Variants in ARSL observed in about 807,000 individuals in gnomAD.
ARSL encodes the protein arylsulfatase E (chondrodysplasia punctata 1).
A neutral mutation model predicts 31.1 loss-of-function variants in ARSL; 4 were observed. That is an observed-to-expected ratio of 0.13 (90% CI 0.06 to 0.29). ARSL has a LOEUF of 0.29. ARSL is among the 10% of genes least tolerant of loss of function. The probability of loss-of-function intolerance (pLI) is 1.00; values close to 1 mark genes in which losing one functional copy is unlikely to be tolerated. For synonymous variants in ARSL, 198 were observed against 209.9 expected, an observed-to-expected ratio of 0.94 and a Z score of 0.49; for missense variants, 312 against 497.8, an observed-to-expected ratio of 0.63 and a Z score of 3.55.
upstream of ARSL, among the ~76,000 whole-genome samples, chrX:2,966,816 T>TTATA (rs2089703307): frequency 9.1e-6 from 1 of 109,855 alleles, no homozygotes; most frequent in Non-Finnish European, 1.9e-5. Context: ...AATATGCACG[T>TTATA]ATAAATATAA....
At chrX:2,939,868 T>C (rs1191452661) in intron 8 of ARSL, among the ~76,000 whole-genome samples, 4 of 87,397 alleles carry the variant, frequency 4.6e-5, no homozygotes, top group Admixed American at 3.8e-4. Context: ...TTCTACCTTT[T>C]TTTTTTTTTT....
intron 5 of ARSL, among the ~76,000 whole-genome samples, chrX:2,952,566 G>T (rs763609625): frequency 8.9e-6 from 1 of 111,789 alleles, no homozygotes; most frequent in East Asian, 2.8e-4. Flanking sequence ...ATCACCTGGG[G>T]GGTAAGGGTT....
intron 4 of ARSL, 29 bp downstream of exon 4, chrX:2,955,387 C>T: frequency 8.3e-7 from 1 of 1,211,002 alleles, no homozygotes. Flanking sequence ...CCAGGCTGCA[C>T]CCTAGTGCAG....
chrX:2,957,966 G>A (rs1167287315), intron 3 of ARSL, among the ~76,000 whole-genome samples: 3 of 111,102 alleles, frequency 2.7e-5, no homozygotes, highest in Non-Finnish European at 5.6e-5. Context: ...AGGCTGCAGT[G>A]AGCTGTGATT....
chrX:2,959,827 G>A, intron 2 of ARSL: 1 of 771,659 alleles, frequency 1.3e-6, no homozygotes, highest in African/African-American at 2.1e-5. Flanking sequence ...AGGCCAAGGT[G>A]GGAGCATTGC....
intron 10 of ARSL, among the ~76,000 whole-genome samples, chrX:2,936,065 G>A (rs1392901797): frequency 7.2e-5 from 8 of 111,024 alleles, no homozygotes; most frequent in Non-Finnish European, 1.5e-4. Flanking sequence ...CAGGCGTGGT[G>A]GCTCATGCCT....
At chrX:2,939,379 G>A (rs866430170) in intron 8 of ARSL, among the ~76,000 whole-genome samples, 2 of 112,296 alleles carry the variant, frequency 1.8e-5, no homozygotes, top group Non-Finnish European at 1.9e-5. Context: ...CTGGTCTCCA[G>A]GGCTGGGACA....
At chrX:2,941,957 C>T (rs1040692845) in intron 8 of ARSL, among the ~76,000 whole-genome samples, 1 of 112,685 alleles carries the variant, frequency 8.9e-6, no homozygotes, top group Non-Finnish European at 1.9e-5. Context: ...TGCACAAAAA[C>T]GTGGCAGGCC....
At chrX:2,943,413 G>A (rs1263837444) in intron 7 of ARSL, among the ~76,000 whole-genome samples, 1 of 110,534 alleles carries the variant, frequency 9.0e-6, no homozygotes, top group African/African-American at 3.3e-5. Context: ...AGAATTTTAG[G>A]CAACGTACAA....
In ARSL at chrX:2,944,916, A is replaced by G. The variant is rs181110343; in HGVS notation, c.991+1082T>C. On this transcript the variant is annotated intron_variant, in intron 7 of 10. Transcript: ENST00000381134. The stretch of plus-strand genomic sequence containing the variant: ...TGCTGTGTTAGGAAAAAAAGAAGAA[A>G]GAAGACAGAAAGAAGAAAGAAGAAG... Among the ~76,000 whole-genome samples, 16 of 110,971 alleles carry G rather than the reference A, an allele frequency of 1.4e-4. 1 individual carries two copies. The Admixed American group carries it at 1.6e-3, about 11-fold the overall frequency.
upstream of ARSL, among the ~76,000 whole-genome samples, chrX:2,966,034 A>G (rs976726232): frequency 8.9e-6 from 1 of 112,443 alleles, no homozygotes; most frequent in Non-Finnish European, 1.9e-5. Context: ...TCCTTGACCT[A>G]CAAGGACGGG....
chrX:2,935,682 C>T (rs1473137586), intron 10 of ARSL, among the ~76,000 whole-genome samples: 1 of 96,678 alleles, frequency 1.0e-5, no homozygotes, highest in East Asian at 3.7e-4. Context: ...CTTTTCTTTT[C>T]TTTTCTTTTC....
chrX:2,948,990 T>C (rs1174715748), intron 6 of ARSL, among the ~76,000 whole-genome samples: 7 of 109,301 alleles, frequency 6.4e-5, no homozygotes, highest in Non-Finnish European at 1.1e-4. Context: ...TGATGTGACC[T>C]CACCTCCCTG....
intron 2 of ARSL, among the ~76,000 whole-genome samples, chrX:2,960,146 G>A (rs1195752347): frequency 2.3e-5 from 2 of 86,952 alleles, no homozygotes; most frequent in Admixed American, 1.2e-4. Context: ...GCAGGCGCCT[G>A]TAGTCCCAGC....
chrX:2,948,681 G>C (rs1038623961), intron 6 of ARSL, among the ~76,000 whole-genome samples: 15 of 110,873 alleles, frequency 1.4e-4, no homozygotes, highest in Admixed American at 3.9e-4. Flanking sequence ...TGTGGAAATG[G>C]GGTCTTGCTG....
chrX:2,946,262 A>G, intron 6 of ARSL, 128 bp from the exon 7 acceptor site: 1 of 592,798 alleles, frequency 1.7e-6, no homozygotes, highest in Non-Finnish European at 2.7e-6. Context: ...CTGCTCACCA[A>G]AAAGAAACAC....
intron 1 of ARSL, among the ~76,000 whole-genome samples, chrX:2,960,830 CAGAGAGAG>C (rs775555056): frequency 9.0e-6 from 1 of 111,046 alleles, no homozygotes; most frequent in African/African-American, 3.3e-5. Context: ...TCCAGAAATG[CAGAGAGAG>C]AGTCCTGATT....
intron 6 of ARSL, among the ~76,000 whole-genome samples, chrX:2,946,910 G>A (rs777195092): frequency 9.1e-4 from 101 of 111,410 alleles, no homozygotes; most frequent in Non-Finnish European, 1.6e-3. Context: ...TGGGCCAGGC[G>A]TGGTGGCTCA....
At chrX:2,945,289 G>A (rs1055886720) in intron 7 of ARSL, among the ~76,000 whole-genome samples, 1 of 111,586 alleles carries the variant, frequency 9.0e-6, no homozygotes, top group African/African-American at 3.3e-5. Flanking sequence ...GGACAAGGGG[G>A]TTGGGTAGAG....
Sources: gnomAD v4.1 joint callset for allele counts (sites outside exome capture counted in the v4.1 genomes callset) on GRCh38, gnomAD v4.1.1 for gene constraint, MANE v1.5 for transcripts, NCBI Gene and HGNC (gene_info 2026-07-23, HGNC 2026-07-21) for gene names.